The following KCNH5 variants were observed in gnomAD, a reference collection of about 807,000 sequenced individuals.
The protein encoded by KCNH5 is voltage-gated delayed rectifier potassium channel KCNH5.
Under a neutral mutation model 96.1 loss-of-function variants are expected in KCNH5, and 46 were observed. The observed-to-expected ratio is 0.48, with a 90% CI of 0.38 to 0.61. The LOEUF is 0.61. KCNH5 is among the 20% of genes least tolerant of loss of function. KCNH5 has a pLI of 0.00. For synonymous variants in KCNH5, 439 were observed against 449.8 expected (o/e 0.98, Z 0.30); for missense variants, 907 against 1,225.8 (o/e 0.74, Z 3.88).
At chr14:62,852,842 A>C (rs574057586) in intron 7 of KCNH5, among the ~76,000 whole-genome samples, 43 of 152,284 alleles carry the variant, frequency 2.8e-4, no homozygotes, top group African/African-American at 1.0e-3. Context: ...GCACATCTTT[A>C]ATGAGAGAGG....
rs140809753 is a variant in KCNH5, at chr14:62,707,784, G to A, written c.2691C>T (p.Pro897=). The A allele has an allele frequency of 8.1e-6, 13 of 1,614,034 alleles. No homozygotes were observed. In the African/African-American group the frequency reaches 1.6e-4, roughly 20 times the overall value. ...AGGCCTGCTCGGGGATGGGATAAAA[G>A]GGGTGCTTGGCATCAGCCTGGATGG... ...HSPIQADAKH[P]FYPIPEQALQ... Residue 897 remains proline (P), a synonymous_variant, in exon 11 of 11, where the codon CCC becomes CCT. Transcript: ENST00000322893.
At chr14:62,827,504 T>C (rs147089387) in intron 8 of KCNH5, among the ~76,000 whole-genome samples, 11 of 152,336 alleles carry the variant, frequency 7.2e-5, no homozygotes, top group African/African-American at 2.6e-4. Flanking sequence ...AATATTTTTC[T>C]ATTTTCTGTA....
In KCNH5 at chr14:63,008,297, C is replaced by T. The variant is rs186417611; in HGVS notation, c.198-1825G>A. On this transcript the variant is annotated intron_variant, in intron 2 of 10. Coordinates refer to ENST00000322893, the MANE Select transcript of KCNH5 (RefSeq NM_139318.5). ...TACAAACAGAGCCTCGAAAGACATC[C>T]ACTCAAATGAGGGCCCCTGAAGGTT... Among the ~76,000 whole-genome samples, 184 of 151,964 alleles carry T rather than the reference C, an allele frequency of 1.2e-3. 1 individual carries two copies. The highest frequency in any genetic ancestry group is 4.4e-3 in the African/African-American group (181 of 41,490).
chr14:62,738,355 G>A (rs1885202044), intron 10 of KCNH5, among the ~76,000 whole-genome samples: 1 of 152,064 alleles, frequency 6.6e-6, no homozygotes, highest in African/African-American at 2.4e-5. Flanking sequence ...ACTGTGGGTA[G>A]CTGAAACCAC....
intron 7 of KCNH5, among the ~76,000 whole-genome samples, chr14:62,928,506 G>A (rs574816154): frequency 6.6e-6 from 1 of 151,912 alleles, no homozygotes; most frequent in Non-Finnish European, 1.5e-5. Context: ...TAATTTATCG[G>A]GTTTTCACAA....
At chr14:62,756,945 A>T (rs1442322040) in intron 10 of KCNH5, among the ~76,000 whole-genome samples, 1 of 152,202 alleles carries the variant, frequency 6.6e-6, no homozygotes, top group Non-Finnish European at 1.5e-5. Flanking sequence ...AAACTGGACA[A>T]ATAGATCACG....
At chr14:62,895,024 G>A (rs557918761) in intron 7 of KCNH5, among the ~76,000 whole-genome samples, 2 of 152,284 alleles carry the variant, frequency 1.3e-5, no homozygotes, top group East Asian at 1.9e-4. Context: ...TGAAAGGAGA[G>A]TTGACATTCA....
intron 4 of KCNH5, among the ~76,000 whole-genome samples, chr14:62,997,054 G>T (rs1479765190): frequency 6.6e-6 from 1 of 152,012 alleles, no homozygotes; most frequent in Non-Finnish European, 1.5e-5. Context: ...TAATTTTTGT[G>T]GGTACATAGT....
chr14:62,792,486 T>C (rs1261257435), intron 9 of KCNH5, among the ~76,000 whole-genome samples: 1 of 151,504 alleles, frequency 6.6e-6, no homozygotes, highest in East Asian at 1.9e-4. Flanking sequence ...TAAGAACAAA[T>C]TGATTGCATA....
At chr14:62,831,976 G>C (rs551152662) in intron 8 of KCNH5, among the ~76,000 whole-genome samples, 1 of 152,280 alleles carries the variant, frequency 6.6e-6, no homozygotes, top group East Asian at 1.9e-4. Flanking sequence ...GCCTCCCAAA[G>C]TGTTGGGATT....
intron 7 of KCNH5, among the ~76,000 whole-genome samples, chr14:62,911,430 C>G (rs756882351): frequency 8.6e-5 from 13 of 151,838 alleles, no homozygotes; most frequent in Non-Finnish European, 1.9e-4. Flanking sequence ...TCAACATAAT[C>G]TTAATCAAAA....
intron 10 of KCNH5, among the ~76,000 whole-genome samples, chr14:62,777,652 A>T (rs1029318810): frequency 6.6e-6 from 1 of 152,234 alleles, no homozygotes; most frequent in African/African-American, 2.4e-5. Context: ...GACACCAGTT[A>T]TAACAGGAAA....
At chr14:62,949,961 A>G in intron 7 of KCNH5, 172 bp downstream of exon 7, 1 of 606,398 alleles carries the variant, frequency 1.6e-6, no homozygotes, top group Non-Finnish European at 2.9e-6. Flanking sequence ...GAAGAGTAAA[A>G]TATATTATTT....
chr14:62,981,220 T>C lies in KCNH5; in HGVS notation c.594A>G (p.Glu198=). 1.2e-6 allele frequency: 2 copies of C among 1,614,158 alleles called. No homozygotes were observed. The highest frequency in any genetic ancestry group is 2.2e-5 in the East Asian group (1 of 44,878). The change falls in exon 6 of 11, where the codon GAA becomes GAG. Residue 198 remains glutamate (E), a synonymous_variant. Transcript: ENST00000322893. The part of the protein sequence containing the change: ...GSDILPQYKQ[E]APKTPPHIIL... Reference sequence around the variant, plus strand: ...TAATGTGTGGTGGCGTCTTTGGCGCTTCTTGTTTATACTGAGGAAGGATAT... The same window carrying C: ...TAATGTGTGGTGGCGTCTTTGGCGCCTCTTGTTTATACTGAGGAAGGATAT...
intron 7 of KCNH5, among the ~76,000 whole-genome samples, chr14:62,863,200 A>G (rs958220647): frequency 6.6e-6 from 1 of 152,188 alleles, no homozygotes; most frequent in African/African-American, 2.4e-5. Context: ...TATAATTGAC[A>G]GCATAGTTCT....
chr14:62,940,887 A>G (rs1052101517), intron 7 of KCNH5, among the ~76,000 whole-genome samples: 2 of 152,204 alleles, frequency 1.3e-5, no homozygotes, highest in Non-Finnish European at 2.9e-5. Flanking sequence ...ATACACAATG[A>G]TGAACAGGAC....
At chr14:62,862,505 G>A (rs888800376) in intron 7 of KCNH5, among the ~76,000 whole-genome samples, 5 of 152,102 alleles carry the variant, frequency 3.3e-5, no homozygotes, top group Admixed American at 1.3e-4. Context: ...TCCCTTCGTG[G>A]TAAGACTTTA....
intron 7 of KCNH5, among the ~76,000 whole-genome samples, chr14:62,920,727 C>A (rs1006600204): frequency 1.3e-5 from 2 of 151,920 alleles, no homozygotes; most frequent in African/African-American, 4.8e-5. Flanking sequence ...TCTGAAAGAC[C>A]AATCAATTAT....
chr14:62,798,973 T>C (rs1475912289), intron 9 of KCNH5, among the ~76,000 whole-genome samples: 1 of 152,138 alleles, frequency 6.6e-6, no homozygotes, highest in Non-Finnish European at 1.5e-5. Context: ...TCAGACTAAT[T>C]TAGGCAAGTT....
Sources: allele counts gnomAD v4.1 joint callset (sites outside exome capture counted in the v4.1 genomes callset), GRCh38; gene constraint gnomAD v4.1.1; transcripts MANE v1.5; gene names NCBI Gene and HGNC (gene_info 2026-07-23, HGNC 2026-07-21).